Variants in NCOA6 observed in about 807,000 individuals in gnomAD.
The protein encoded by NCOA6 is nuclear receptor coactivator 6.
A neutral mutation model predicts 171.4 loss-of-function variants in NCOA6; 49 were observed. The ratio of observed to expected loss-of-function variants is 0.29; its 90% confidence interval spans 0.23 to 0.36. The LOEUF (loss-of-function observed/expected upper bound fraction) is 0.36. Among genes scored for constraint, NCOA6 ranks in the 10% least tolerant of loss-of-function variants. NCOA6 has a pLI of 1.00. For synonymous variants in NCOA6, 910 were observed against 927.5 expected, an observed-to-expected ratio of 0.98 and a Z score of 0.34; for missense variants, 2,248 against 2,554.5, an observed-to-expected ratio of 0.88 and a Z score of 2.59.
At chr20:34,751,340 G>A (rs1416108495) in intron 8 of NCOA6, among the ~76,000 whole-genome samples, 1 of 119,646 alleles carries the variant, frequency 8.4e-6, no homozygotes, top group Non-Finnish European at 1.7e-5. Flanking sequence ...ACTGCAGTCC[G>A]CAGTCCAGCC....
intron 5 of NCOA6, among the ~76,000 whole-genome samples, chr20:34,765,439 CAAA>C (rs34605174): frequency 1.7e-4 from 18 of 106,476 alleles, no homozygotes; most frequent in Admixed American, 2.8e-4. Flanking sequence ...GAGTCCGTCT[CAAA>C]AAAAAAAAAA....
chr20:34,726,524 C>T (rs1444138279), intron 14 of NCOA6, among the ~76,000 whole-genome samples: 1 of 152,026 alleles, frequency 6.6e-6, no homozygotes, highest in Non-Finnish European at 1.5e-5. Flanking sequence ...GGTGGCTCAG[C>T]CTGTAATCCC....
chr20:34,811,855 A>G (rs895080847), intron 1 of NCOA6, among the ~76,000 whole-genome samples: 41 of 152,380 alleles, frequency 2.7e-4, no homozygotes, highest in African/African-American at 9.6e-4. Flanking sequence ...GTGTCTAAAT[A>G]AACAGTTAAA....
chr20:34,786,320 G>T (rs1399409703), intron 2 of NCOA6, among the ~76,000 whole-genome samples: 1 of 151,962 alleles, frequency 6.6e-6, no homozygotes, highest in Non-Finnish European at 1.5e-5. Context: ...CTGATTTTTT[G>T]AAGGGTTTTT....
intron 3 of NCOA6, among the ~76,000 whole-genome samples, chr20:34,779,690 C>T (rs1163282048): frequency 4.6e-5 from 7 of 152,054 alleles, no homozygotes; most frequent in Admixed American, 3.9e-4. Flanking sequence ...AGATAATGGT[C>T]ATAGAGGAAT....
intron 5 of NCOA6, among the ~76,000 whole-genome samples, chr20:34,761,844 C>T (rs373714184): frequency 1.3e-5 from 2 of 152,060 alleles, no homozygotes; most frequent in Non-Finnish European, 2.9e-5. Flanking sequence ...TTAGTAGAGA[C>T]GGGGTTTCAC....
intron 1 of NCOA6, among the ~76,000 whole-genome samples, chr20:34,824,526 C>T (rs1479416347): frequency 2.0e-5 from 3 of 152,206 alleles, no homozygotes; most frequent in Admixed American, 2.0e-4. Flanking sequence ...GGGCTGTCCC[C>T]TTCCAGGGAA....
At chr20:34,749,208 T>C (rs575006029) in intron 9 of NCOA6, among the ~76,000 whole-genome samples, 195 bp downstream of exon 9, 8 of 152,304 alleles carry the variant, frequency 5.3e-5, no homozygotes, top group Admixed American at 3.9e-4. Context: ...CCCAGCGAAT[T>C]TGCTTTGAAA....
intron 4 of NCOA6, 107 bp from the exon 5 acceptor site, chr20:34,768,693 T>C (rs2077052256): frequency 2.3e-6 from 3 of 1,328,816 alleles, no homozygotes; most frequent in South Asian, 1.4e-5. Context: ...TGAAGAATTA[T>C]GGTTAGTTTA....
chr20:34,784,013 A>T (rs1352392725), intron 2 of NCOA6, among the ~76,000 whole-genome samples: 1 of 152,176 alleles, frequency 6.6e-6, no homozygotes, highest in Non-Finnish European at 1.5e-5. Context: ...ATTACTTTAT[A>T]CTTATAACTA....
intron 1 of NCOA6, among the ~76,000 whole-genome samples, chr20:34,817,708 A>C (rs2078888576): frequency 6.6e-6 from 1 of 152,216 alleles, no homozygotes; most frequent in Non-Finnish European, 1.5e-5. Flanking sequence ...CTGGAGCTGA[A>C]GGGAGGGAAG....
chr20:34,726,033 C>T (rs1387357338), intron 14 of NCOA6, among the ~76,000 whole-genome samples: 1 of 152,162 alleles, frequency 6.6e-6, no homozygotes, highest in Non-Finnish European at 1.5e-5. Context: ...AGGAAGGTCA[C>T]CATCTAATGG....
At chr20:34,823,137 T>G (rs1402918988) in intron 1 of NCOA6, among the ~76,000 whole-genome samples, 1 of 152,228 alleles carries the variant, frequency 6.6e-6, no homozygotes, top group Non-Finnish European at 1.5e-5. Context: ...TCCTTATAAT[T>G]CAATGTACTT....
In NCOA6 at chr20:34,750,508, C is replaced by A; in HGVS notation, c.1687G>T (p.Ala563Ser). Residue 563 changes from alanine (A) to serine (S), a missense_variant, in exon 9 of 15, where the codon GCT (alanine) becomes TCT (serine). By Grantham distance (99) the Ala-to-Ser change is moderately conservative. Coordinates refer to ENST00000359003, the MANE Select transcript of NCOA6 (RefSeq NM_014071.5). Reference sequence around the variant, plus strand: ...TGCATCTGGTTTTGAGGAGGACCAGCTCCTTGACCACCTTAAAAAAAAAAA... The same window carrying A: ...TGCATCTGGTTTTGAGGAGGACCAGATCCTTGACCACCTTAAAAAAAAAAA... ...QNVQHAGGQGAGPPQNQMQVS... is the reference protein window; with the variant it reads ...QNVQHAGGQGSGPPQNQMQVS... 1 of 1,569,672 alleles carries A rather than the reference C, an allele frequency of 6.4e-7. No homozygotes were observed. The highest frequency in any genetic ancestry group is 2.0e-5 in the Admixed American group (1 of 49,440).
At chr20:34,758,397 A>G (rs1465696781) in intron 6 of NCOA6, among the ~76,000 whole-genome samples, 1 of 152,174 alleles carries the variant, frequency 6.6e-6, no homozygotes, top group African/African-American at 2.4e-5. Context: ...AAAACAAAAC[A>G]ATTAGGTTTG....
intron 14 of NCOA6, among the ~76,000 whole-genome samples, chr20:34,724,245 T>C (rs934227764): frequency 6.6e-6 from 1 of 152,212 alleles, no homozygotes; most frequent in African/African-American, 2.4e-5. Context: ...AGAAGGCCTC[T>C]CTCACCTTTG....
chr20:34,787,927 T>A, intron 2 of NCOA6, among the ~76,000 whole-genome samples: 1 of 150,850 alleles, frequency 6.6e-6, no homozygotes, highest in East Asian at 2.0e-4. Context: ...AGTGCAGTGG[T>A]GTGATCTCAG....
At chr20:34,718,140 A>G (rs1988835547) in intron 14 of NCOA6, among the ~76,000 whole-genome samples, 1 of 152,174 alleles carries the variant, frequency 6.6e-6, no homozygotes, top group Non-Finnish European at 1.5e-5. Context: ...AAAAACCCTC[A>G]TCTTTTGGAT....
intron 2 of NCOA6, among the ~76,000 whole-genome samples, chr20:34,789,759 C>T (rs766034574): frequency 3.9e-5 from 6 of 152,034 alleles, no homozygotes; most frequent in Non-Finnish European, 7.4e-5. Flanking sequence ...TGCACTATTG[C>T]TGCTCTGAGC....
Sources: gnomAD v4.1 joint callset for allele counts (sites outside exome capture counted in the v4.1 genomes callset) on GRCh38, gnomAD v4.1.1 for gene constraint, MANE v1.5 for transcripts, NCBI Gene and HGNC (gene_info 2026-07-23, HGNC 2026-07-21) for gene names.